The following FCHO2 variants were observed in gnomAD, a reference collection of about 807,000 sequenced individuals.
The protein encoded by FCHO2 is FCH and mu domain containing endocytic adaptor 2, also known as F-BAR domain only protein 2.
Under a neutral mutation model 114.1 loss-of-function variants are expected in FCHO2, and 43 were observed. The ratio of observed to expected loss-of-function variants is 0.38; its 90% CI spans 0.30 to 0.49. The LOEUF (loss-of-function observed/expected upper bound fraction) is 0.49, where lower values mean the gene tolerates loss of function less well. Ranked by LOEUF, FCHO2 falls within the 20% of genes least tolerant of loss-of-function variation. The probability of loss-of-function intolerance (pLI) is 0.97; values close to 1 mark genes in which losing one functional copy is unlikely to be tolerated. For missense variants in FCHO2, 807 were observed against 950.4 expected, an observed-to-expected ratio of 0.85 and a Z score of 1.98; for synonymous variants, 293 against 315.2, an observed-to-expected ratio of 0.93 and a Z score of 0.75.
At chr5:73,027,369 C>G (rs896864821) in intron 8 of FCHO2, among the ~76,000 whole-genome samples, 1 of 136,816 alleles carries the variant, frequency 7.3e-6, no homozygotes, top group Non-Finnish European at 1.6e-5. Context: ...CTGGCTTGTT[C>G]TTTTTTTTTT....
At chr5:73,045,866 T>C (rs1757027074) in intron 11 of FCHO2, among the ~76,000 whole-genome samples, 1 of 152,248 alleles carries the variant, frequency 6.6e-6, no homozygotes, top group African/African-American at 2.4e-5. Context: ...ATTTTAAGAT[T>C]GCCATTTCTT....
At chr5:73,065,830 C>T (rs887814524) in intron 18 of FCHO2, among the ~76,000 whole-genome samples, 1 of 151,920 alleles carries the variant, frequency 6.6e-6, no homozygotes, top group African/African-American at 2.4e-5. Flanking sequence ...TTTTGGTGTA[C>T]CCATTAACTG....
intron 8 of FCHO2, among the ~76,000 whole-genome samples, chr5:73,028,220 A>G (rs1231474745): frequency 6.6e-6 from 1 of 152,132 alleles, no homozygotes; most frequent in Non-Finnish European, 1.5e-5. Context: ...AAGACTGAGT[A>G]TACCAAATGC....
intron 2 of FCHO2, among the ~76,000 whole-genome samples, chr5:72,971,362 G>A (rs1030692779): frequency 8.6e-5 from 13 of 151,956 alleles, no homozygotes; most frequent in African/African-American, 3.1e-4. Flanking sequence ...TCCAGCACCT[G>A]TTGTTTCCTG....
chr5:73,018,821 C>T (rs1000911689), intron 8 of FCHO2, among the ~76,000 whole-genome samples: 10 of 152,168 alleles, frequency 6.6e-5, no homozygotes, highest in African/African-American at 2.4e-4. Context: ...TACCCTTTTC[C>T]ATCACTTTGC....
In FCHO2 at chr5:72,990,480, C is replaced by T; in HGVS notation, c.203C>T (p.Thr68Ile). ...TCCCATATTTTTTATTTTCTTAGAA[C>T]ATTTGCACCAGTATGGGATGTATTC... ...KSASNYSQLG[T>I]FAPVWDVFKT... The change falls in exon 4 of 26, where the codon ACA (threonine) becomes ATA (isoleucine). Residue 68 changes from threonine to isoleucine, a missense_variant and splice_region_variant. Coordinates refer to ENST00000430046, the MANE Select transcript of FCHO2 (RefSeq NM_138782.3). The T allele has an allele frequency of 6.7e-7, 1 of 1,501,696 alleles. No individual in the cohort carries two copies. The highest frequency in any genetic ancestry group is 8.8e-7 in the Non-Finnish European group (1 of 1,130,672). 93.0% of individuals were successfully genotyped at this position (1,501,696 alleles called of 1,614,324 possible).
At chr5:73,014,612 A>G (rs1301594126) in intron 6 of FCHO2, among the ~76,000 whole-genome samples, 1 of 152,140 alleles carries the variant, frequency 6.6e-6, no homozygotes, top group Admixed American at 6.5e-5. Flanking sequence ...AAGGATTAGA[A>G]AGACATTTTG....
intron 17 of FCHO2, among the ~76,000 whole-genome samples, chr5:73,063,246 G>A (rs1157100860): frequency 6.6e-6 from 1 of 152,010 alleles, no homozygotes; most frequent in East Asian, 1.9e-4. Context: ...TAGGACTTAG[G>A]AACAAGTTAA....
At position 72,986,874 on chromosome 5, in the gene FCHO2, CT is replaced by C. The variant is rs1311341687; in HGVS notation, c.126-2543del. ...ATTTTAACTATTTTTCTTTTTCTTT[CT>C]TTTTTTTTTCTTTTTTTTTTTTGAG... On this transcript the variant is annotated intron_variant, in intron 2 of 25. Transcript: ENST00000430046. Among the ~76,000 whole-genome samples the C allele has an allele frequency of 1.0e-3, 153 of 146,104 alleles. No homozygotes were observed. The Middle Eastern group carries it at 0.011, about 10-fold the overall frequency.
intron 1 of FCHO2, among the ~76,000 whole-genome samples, chr5:72,967,855 A>G (rs951356061): frequency 2.0e-5 from 3 of 150,486 alleles, no homozygotes; most frequent in African/African-American, 7.4e-5. Context: ...CCTGACCTCA[A>G]GTGATCCGCC....
intron 5 of FCHO2, among the ~76,000 whole-genome samples, chr5:73,006,050 G>A (rs773626842): frequency 6.6e-6 from 1 of 152,104 alleles, no homozygotes. Context: ...GCTGCGAAAA[G>A]GAGTGTCAAG....
chr5:72,982,853 A>T, intron 2 of FCHO2, among the ~76,000 whole-genome samples: 1 of 130,006 alleles, frequency 7.7e-6, no homozygotes, highest in African/African-American at 2.9e-5. Context: ...TTTTGCATAT[A>T]GGTGTCCAGT....
chr5:73,008,967 G>T (rs994038239), intron 6 of FCHO2, among the ~76,000 whole-genome samples: 3 of 152,176 alleles, frequency 2.0e-5, no homozygotes, highest in Admixed American at 6.6e-5. Flanking sequence ...ATAAAATAGG[G>T]TTTTGTCAGT....
chr5:73,052,837 T>C (rs1361308717), intron 13 of FCHO2: 1 of 173,240 alleles, frequency 5.8e-6, no homozygotes, highest in Non-Finnish European at 1.2e-5. Context: ...GTGAGCCTTA[T>C]GTAGGAGGGA....
At chr5:73,037,099 C>A (rs759383831) in intron 9 of FCHO2, 44 bp from the exon 10 acceptor site, 3 of 1,323,402 alleles carry the variant, frequency 2.3e-6, no homozygotes, top group African/African-American at 3.0e-5. Context: ...ATATGTTTAT[C>A]AGGAATGTTT....
Position 73,068,778 on chromosome 5 carries a change from A to G in FCHO2, c.1578A>G (p.Val526=). The G allele has an allele frequency of 6.2e-7, 1 of 1,611,096 alleles. No individual in the cohort carries two copies. Among genetic ancestry groups the G allele is most frequent in the Non-Finnish European group, 8.5e-7 (1 of 1,178,424 alleles). ...TGAGTGCTGCCAATACTCCAACAGTAGGTAAGTGATTATCATCAATTACAT... is the reference window on the plus strand; with the variant it reads ...TGAGTGCTGCCAATACTCCAACAGTGGGTAAGTGATTATCATCAATTACAT... ...ASLSAANTPT[V]GVSRGPSPVS... Residue 526 remains valine, a splice_region_variant and synonymous_variant, in exon 19 of 26, where the codon GTA becomes GTG. Transcript: ENST00000430046.
Position 72,956,046 on chromosome 5 carries a change from T to A in FCHO2, c.-51T>A. ...GGTGCTGTGGGGGCCGGGCCGTGTT[T>A]ACACAGCGGCGGGCGGGCGCGGACG... On this transcript the variant is annotated 5_prime_UTR_variant, in exon 1 of 26. Transcript: ENST00000430046. 1 of 1,536,672 alleles carries A rather than the reference T, an allele frequency of 6.5e-7. No homozygotes were observed. The highest frequency in any genetic ancestry group is 8.8e-7 in the Non-Finnish European group (1 of 1,140,644).
chr5:73,063,791 T>C, intron 17 of FCHO2, 50 bp from the exon 18 acceptor site: 1 of 1,505,046 alleles, frequency 6.6e-7, no homozygotes, highest in Non-Finnish European at 9.1e-7. Flanking sequence ...TATGTAAGGA[T>C]TGCTACATAC....
At chr5:73,004,830 T>C (rs1028034326) in intron 5 of FCHO2, among the ~76,000 whole-genome samples, 1 of 152,188 alleles carries the variant, frequency 6.6e-6, no homozygotes, top group African/African-American at 2.4e-5. Flanking sequence ...GTTGTTATAA[T>C]TGTTATATTT....
Sources: gnomAD v4.1 joint callset for allele counts (sites outside exome capture counted in the v4.1 genomes callset) on GRCh38, gnomAD v4.1.1 for gene constraint, MANE v1.5 for transcripts, NCBI Gene and HGNC (gene_info 2026-07-23, HGNC 2026-07-21) for gene names.